VAMP7: variants seen among roughly 807,000 people sequenced by gnomAD.
VAMP7 encodes the protein vesicle associated membrane protein 7, also known as vesicle-associated membrane protein 7.
VAMP7 carries 14 observed loss-of-function variants against 29.6 expected under a neutral mutation model. That is an observed-to-expected ratio of 0.47 (90% CI 0.31 to 0.74). The LOEUF is 0.74. Among genes scored for constraint, VAMP7 ranks in the 30% least tolerant of loss-of-function variants. The probability of loss-of-function intolerance (pLI) is 0.05; values close to 1 mark genes in which losing one functional copy is unlikely to be tolerated. For missense variants in VAMP7, 223 were observed against 262.4 expected, an observed-to-expected ratio of 0.85 and a Z score of 1.04; for synonymous variants, 95 against 88.1, an observed-to-expected ratio of 1.08 and a Z score of -0.44.
chrX:155,926,003 G>C (rs1466090805), intron 6 of VAMP7, among the ~76,000 whole-genome samples: 1 of 152,156 alleles, frequency 6.6e-6, no homozygotes, highest in Non-Finnish European at 1.5e-5. Context: ...TTGAGCAGCA[G>C]ATCTCCACAG....
intron 5 of VAMP7, among the ~76,000 whole-genome samples, chrX:155,913,539 T>C (rs1474179546): frequency 6.6e-6 from 1 of 152,214 alleles, no homozygotes; most frequent in Admixed American, 6.5e-5. Context: ...CATCTTGAGT[T>C]AATTTTTGTA....
chrX:155,915,601 C>T (rs2066300616), intron 5 of VAMP7, among the ~76,000 whole-genome samples: 1 of 152,088 alleles, frequency 6.6e-6, no homozygotes, highest in South Asian at 2.1e-4. Flanking sequence ...TTATTTATTT[C>T]TGCCTTAATT....
chrX:155,920,978 G>C (rs2069955485), intron 6 of VAMP7, among the ~76,000 whole-genome samples: 1 of 152,060 alleles, frequency 6.6e-6, no homozygotes, highest in African/African-American at 2.4e-5. Context: ...AAAACACCTG[G>C]GTTCTAGATC....
At chrX:155,935,684 G>A (rs944756478) in intron 6 of VAMP7, among the ~76,000 whole-genome samples, 22 of 152,138 alleles carry the variant, frequency 1.4e-4, no homozygotes, top group South Asian at 4.2e-4. Flanking sequence ...ATCATCTGAA[G>A]CCTTCTTTTC....
intron 5 of VAMP7, among the ~76,000 whole-genome samples, chrX:155,909,122 C>T (rs190375378): frequency 0.011 from 1,743 of 152,222 alleles, 28 homozygotes; most frequent in African/African-American, 0.04. Flanking sequence ...CCTCCATGCC[C>T]GGCCTGAAGT....
At chrX:155,893,299 T>C (rs1383619017) in intron 2 of VAMP7, among the ~76,000 whole-genome samples, 1 of 152,098 alleles carries the variant, frequency 6.6e-6, no homozygotes, top group African/African-American at 2.4e-5. Context: ...GTCCTGGAGC[T>C]CAGGAGATAG....
At chrX:155,891,990 C>T (rs1366301376) in intron 2 of VAMP7, among the ~76,000 whole-genome samples, 2 of 152,134 alleles carry the variant, frequency 1.3e-5, no homozygotes, top group Admixed American at 6.5e-5. Flanking sequence ...CACATGTAGT[C>T]GTCCTTTTAG....
intron 5 of VAMP7, among the ~76,000 whole-genome samples, chrX:155,904,743 CGTA>C (rs2066123438): frequency 6.6e-6 from 1 of 151,872 alleles, no homozygotes; most frequent in African/African-American, 2.4e-5. Flanking sequence ...TCATTCATGT[CGTA>C]GCATAAATCA....
At chrX:155,928,089 A>AT (rs994406859) in intron 6 of VAMP7, among the ~76,000 whole-genome samples, 3 of 151,616 alleles carry the variant, frequency 2.0e-5, no homozygotes, top group Non-Finnish European at 4.4e-5. Flanking sequence ...CACTTAGCTA[A>AT]TTTTTTAAAT....
chrX:155,908,142 C>CT (rs2066176971), intron 5 of VAMP7, among the ~76,000 whole-genome samples: 1 of 152,228 alleles, frequency 6.6e-6, no homozygotes, highest in African/African-American at 2.4e-5. Flanking sequence ...ACGCTCCTCA[C>CT]TTCCCAGACG....
Position 155,939,674 on chromosome X carries a change from G to T in VAMP7, c.502-27G>T, listed in dbSNP as rs771130935. 11 of 1,555,762 alleles carry T rather than the reference G, an allele frequency of 7.1e-6. No individual in the cohort carries two copies. In the African/African-American group the frequency reaches 8.2e-5, roughly 12 times the overall value. ...ATCATTCATGTAGTCAGTGCCAGGG[G>T]TTAAACAATTCTCGCCTCTTTTCTA... On this transcript the variant is annotated intron_variant, in intron 6 of 7. Coordinates refer to ENST00000286448, the MANE Select transcript of VAMP7 (RefSeq NM_005638.6).
intron 5 of VAMP7, among the ~76,000 whole-genome samples, chrX:155,908,337 ACT>A (rs2066181063): frequency 6.6e-6 from 1 of 152,166 alleles, no homozygotes; most frequent in African/African-American, 2.4e-5. Context: ...CTGGCGGATC[ACT>A]CGCGGTTAGC....
intron 6 of VAMP7, among the ~76,000 whole-genome samples, chrX:155,930,706 T>A (rs1302613128): frequency 1.3e-5 from 2 of 150,562 alleles, no homozygotes; most frequent in Admixed American, 1.3e-4. Context: ...ATTTTTTTTA[T>A]AAATATATAT....
At chrX:155,897,973 T>A in intron 3 of VAMP7, 139 bp from the exon 4 acceptor site, 1 of 1,111,338 alleles carries the variant, frequency 9.0e-7, no homozygotes, top group South Asian at 1.9e-5. Context: ...TTACTTATCT[T>A]TAAGATAGGA....
intron 5 of VAMP7, among the ~76,000 whole-genome samples, chrX:155,915,378 G>T (rs1049104666): frequency 6.6e-6 from 1 of 152,022 alleles, no homozygotes; most frequent in Non-Finnish European, 1.5e-5. Flanking sequence ...GTTCTGCTCT[G>T]ATCTTAGTTA....
At chrX:155,904,089 G>A (rs184782179) in intron 5 of VAMP7, among the ~76,000 whole-genome samples, 3,930 of 150,952 alleles carry the variant, frequency 0.026, 175 homozygotes, top group African/African-American at 0.091. Context: ...CTCATTCTCA[G>A]TAAACTATCG....
chrX:155,882,836 A>C (rs190355521), intron 1 of VAMP7, among the ~76,000 whole-genome samples: 3 of 152,314 alleles, frequency 2.0e-5, no homozygotes, highest in African/African-American at 7.2e-5. Context: ...CACTGTGCTG[A>C]GCACTGGGAA....
intron 1 of VAMP7, among the ~76,000 whole-genome samples, chrX:155,881,927 T>C (rs891685863): frequency 1.6e-4 from 24 of 152,308 alleles, no homozygotes; most frequent in African/African-American, 5.8e-4. Context: ...GTTCAGGGAC[T>C]GTATTTCTGC....
At position 155,919,876 on chromosome X, in the gene VAMP7, A is replaced by G; in HGVS notation, c.497A>G (p.Asp166Gly). Residue 166 changes from aspartate to glycine, a missense_variant, in exon 6 of 8, where the codon GAT (aspartate) becomes GGT (glycine). By Grantham distance (94) the Asp-to-Gly change is moderately conservative (BLOSUM62 -1). Transcript: ENST00000286448. ...ATTGACAAAACAGAAAATCTTGTGG[A>G]TTCTGTAAGTATGGAATCTGATAAT... Reference protein sequence around the residue: ...LLIDKTENLVDSSVTFKTTSR... With the variant: ...LLIDKTENLVGSSVTFKTTSR... 6.2e-7 allele frequency: 1 copy of G among 1,611,068 alleles called. No homozygotes were observed. Among genetic ancestry groups the G allele is most frequent in the Non-Finnish European group, 8.5e-7 (1 of 1,177,666 alleles).
Sources: allele counts gnomAD v4.1 joint callset (sites outside exome capture counted in the v4.1 genomes callset), GRCh38; gene constraint gnomAD v4.1.1; transcripts MANE v1.5; gene names NCBI Gene and HGNC (gene_info 2026-07-23, HGNC 2026-07-21).